The following DSCAM variants were observed in gnomAD, a reference collection of about 807,000 sequenced individuals.
The protein encoded by DSCAM is cell adhesion molecule DSCAM.
A neutral mutation model predicts 217.7 loss-of-function variants in DSCAM; 47 were observed. The observed-to-expected ratio is 0.22, with a 90% CI of 0.17 to 0.28. The LOEUF (loss-of-function observed/expected upper bound fraction) is 0.28, where lower values mean the gene tolerates loss of function less well. Ranked by LOEUF, DSCAM falls within the 10% of genes least tolerant of loss-of-function variation. DSCAM has a pLI of 1.00. For synonymous variants in DSCAM, 1,056 were observed against 1,015.3 expected, an observed-to-expected ratio of 1.04 and a Z score of -0.76; for missense variants, 2,080 against 2,618.3, an observed-to-expected ratio of 0.79 and a Z score of 4.49.
At chr21:40,492,545 T>A (rs183244460) in intron 3 of DSCAM, among the ~76,000 whole-genome samples, 55 of 131,538 alleles carry the variant, frequency 4.2e-4, no homozygotes, top group Middle Eastern at 7.8e-3. Flanking sequence ...GAGATTGACA[T>A]TTTTTTTTAA....
chr21:40,580,580 G>A (rs1396453867), intron 3 of DSCAM, among the ~76,000 whole-genome samples: 3 of 151,864 alleles, frequency 2.0e-5, no homozygotes, highest in Non-Finnish European at 2.9e-5. Flanking sequence ...TAAAAAGAAG[G>A]TAGATTTTAA....
At chr21:40,145,511 G>C (rs1282551676) in intron 16 of DSCAM, among the ~76,000 whole-genome samples, 1 of 152,102 alleles carries the variant, frequency 6.6e-6, no homozygotes, top group African/African-American at 2.4e-5. Context: ...TAGGATTTAG[G>C]CTGATGCGTA....
intron 1 of DSCAM, among the ~76,000 whole-genome samples, chr21:40,812,669 C>A (rs2091848943): frequency 6.6e-6 from 1 of 152,158 alleles, no homozygotes; most frequent in Admixed American, 6.5e-5. Context: ...ACATATAGGT[C>A]TGAAGCTCAA....
intron 1 of DSCAM, among the ~76,000 whole-genome samples, chr21:40,730,655 C>T (rs1178966982): frequency 1.3e-5 from 2 of 152,138 alleles, no homozygotes; most frequent in Non-Finnish European, 2.9e-5. Flanking sequence ...CTATAAGAGG[C>T]CACCTGATGT....
At position 40,507,560 on chromosome 21, in the gene DSCAM, G is replaced by A. The variant is rs914917037; in HGVS notation, c.509-138315C>T. ...AATCTCTGCACTTTAGGAGGCTGAG[G>A]TGGGCGGATCACTCGAGCTCAGGAG... On this transcript the variant is annotated intron_variant, in intron 3 of 32. Transcript: ENST00000400454. Among the ~76,000 whole-genome samples, 5 of 152,220 alleles carry A rather than the reference G, an allele frequency of 3.3e-5. No individual in the cohort carries two copies. The South Asian group carries it at 6.2e-4, about 19-fold the overall frequency.
intron 15 of DSCAM, among the ~76,000 whole-genome samples, chr21:40,174,842 C>T (rs1203862331): frequency 6.6e-6 from 1 of 152,218 alleles, no homozygotes. Context: ...CCTGGTCTGT[C>T]GTGGGCTGCA....
intron 10 of DSCAM, among the ~76,000 whole-genome samples, chr21:40,291,113 C>A (rs999277634): frequency 3.9e-5 from 6 of 152,220 alleles, no homozygotes; most frequent in Admixed American, 3.3e-4. Context: ...ACTATCCTCA[C>A]TGCCTGGGGT....
At chr21:40,678,497 A>G (rs1288989844) in intron 3 of DSCAM, among the ~76,000 whole-genome samples, 2 of 152,108 alleles carry the variant, frequency 1.3e-5, no homozygotes, top group South Asian at 4.1e-4. Flanking sequence ...TGGGAGGCTG[A>G]TCTAGGTGAT....
chr21:40,364,755 TATATAC>T, intron 4 of DSCAM, among the ~76,000 whole-genome samples: 1 of 131,824 alleles, frequency 7.6e-6, no homozygotes, highest in South Asian at 2.2e-4. Context: ...CACACTAGTA[TATATAC>T]ATATATATAT....
intron 3 of DSCAM, among the ~76,000 whole-genome samples, chr21:40,427,271 G>A (rs1421076189): frequency 6.6e-6 from 1 of 152,150 alleles, no homozygotes; most frequent in African/African-American, 2.4e-5. Flanking sequence ...GTGTGTCCCA[G>A]CTGATCACTG....
intron 3 of DSCAM, among the ~76,000 whole-genome samples, chr21:40,632,745 C>A (rs988342074): frequency 1.3e-5 from 2 of 152,206 alleles, no homozygotes; most frequent in Non-Finnish European, 2.9e-5. Context: ...TTGACAAGCA[C>A]CTGTGCGGTG....
At chr21:40,136,033 G>A (rs1182820451) in intron 18 of DSCAM, among the ~76,000 whole-genome samples, 1 of 152,226 alleles carries the variant, frequency 6.6e-6, no homozygotes, top group Non-Finnish European at 1.5e-5. Context: ...GCTTTGCTGG[G>A]GAGGGAGCAG....
At chr21:40,829,528 A>G (rs2091996340) in intron 1 of DSCAM, among the ~76,000 whole-genome samples, 1 of 152,160 alleles carries the variant, frequency 6.6e-6, no homozygotes, top group Non-Finnish European at 1.5e-5. Context: ...AATCAGGTAT[A>G]TCACAAAGTC....
At chr21:40,193,882 A>T (rs990142253) in intron 11 of DSCAM, among the ~76,000 whole-genome samples, 8 of 152,222 alleles carry the variant, frequency 5.3e-5, no homozygotes, top group Non-Finnish European at 1.0e-4. Flanking sequence ...ATTCTGAAGT[A>T]AGGGTTTCTG....
intron 3 of DSCAM, among the ~76,000 whole-genome samples, chr21:40,500,273 A>G (rs1327073177): frequency 6.6e-6 from 1 of 152,206 alleles, no homozygotes; most frequent in Non-Finnish European, 1.5e-5. Flanking sequence ...TTAAATACAT[A>G]TATTTCATAA....
chr21:40,454,027 A>G (rs1047193862), intron 3 of DSCAM, among the ~76,000 whole-genome samples: 8 of 152,232 alleles, frequency 5.3e-5, no homozygotes, highest in African/African-American at 1.9e-4. Flanking sequence ...CTGCCTAGGT[A>G]GGATAAAGAA....
At chr21:40,199,976 A>G (rs2091053139) in intron 11 of DSCAM, among the ~76,000 whole-genome samples, 1 of 151,296 alleles carries the variant, frequency 6.6e-6, no homozygotes, top group South Asian at 2.1e-4. Context: ...CCACAGTAGT[A>G]TCTTCCCAGT....
In DSCAM at chr21:40,353,358, T is replaced by G. The variant is rs979988923; in HGVS notation, c.934+107A>C. ...GTTTCTGTTGATCTCAGCTGGACTG[T>G]TTTGGGAGTTAATGGAAAGCTACAG... On this transcript the variant is annotated intron_variant, in intron 5 of 32. Coordinates refer to ENST00000400454, the MANE Select transcript of DSCAM (RefSeq NM_001389.5). The G allele has an allele frequency of 3.4e-6, 5 of 1,459,046 alleles. No homozygotes were observed. The African/African-American group carries it at 7.2e-5, about 21-fold the overall frequency. 90.4% of individuals were successfully genotyped at this position (1,459,046 alleles called of 1,614,324 possible). A position where few individuals can be genotyped will look rare whatever the true frequency, so the allele number is the denominator to read the frequency against.
intron 3 of DSCAM, among the ~76,000 whole-genome samples, chr21:40,461,337 TAAC>T (rs773335545): frequency 2.6e-5 from 4 of 152,286 alleles, no homozygotes; most frequent in African/African-American, 9.6e-5. Flanking sequence ...ACAATAATAA[TAAC>T]ATTTTCTAAA....
Sources: gnomAD v4.1 joint callset for allele counts (sites outside exome capture counted in the v4.1 genomes callset) on GRCh38, gnomAD v4.1.1 for gene constraint, MANE v1.5 for transcripts, NCBI Gene and HGNC (gene_info 2026-07-23, HGNC 2026-07-21) for gene names.